SIK2: variants seen among roughly 807,000 people sequenced by gnomAD.
SIK2 encodes the protein salt inducible kinase 2.
In SIK2, 29 loss-of-function variants were observed where a neutral mutation model predicts 103.2. The ratio of observed to expected loss-of-function variants is 0.28; its 90% CI spans 0.21 to 0.38. The LOEUF is 0.38. SIK2 is among the 10% of genes least tolerant of loss of function. The pLI, the probability that SIK2 is intolerant of heterozygous loss-of-function variation, is 1.00. For synonymous variants in SIK2, 412 were observed against 446.1 expected (o/e 0.92, Z 0.96); for missense variants, 879 against 1,171.0 (o/e 0.75, Z 3.64).
rs753790017 is a variant in SIK2, at chr11:111,719,957, CACTCTGTCAGAAGTG to C, written c.1452_1466del (p.Leu485_Thr489del). 1 of 1,614,140 alleles carries C rather than the reference CACTCTGTCAGAAGTG, an allele frequency of 6.2e-7. No individual in the cohort carries two copies. Among genetic ancestry groups the C allele is most frequent in the Non-Finnish European group, 8.5e-7 (1 of 1,179,992 alleles). ...CCACACGCAGCGGGCAGAGACGGCA[CACTCTGTCAGAAGTG>C]ACCAATCAACTGGTCGTGATGCCTG... On this transcript the variant is annotated inframe_deletion, in exon 10 of 15. Transcript: ENST00000304987.
In SIK2 at chr11:111,712,239, T is replaced by C. The variant is rs377475366; in HGVS notation, c.1130T>C (p.Met377Thr). The C allele has an allele frequency of 3.4e-5, 55 of 1,614,234 alleles. No homozygotes were observed. The highest frequency in any genetic ancestry group is 2.1e-4 in the South Asian group (19 of 91,084). Residue 377 changes from methionine (M) to threonine (T), a missense_variant, in exon 9 of 15, where the codon ATG becomes ACG. Physicochemically the swap from Met to Thr is moderately conservative, Grantham distance 81. Coordinates refer to ENST00000304987, the MANE Select transcript of SIK2 (RefSeq NM_015191.3). The part of the protein sequence containing the change: ...KAQTVGLPVT[M>T]HSPNMRLLRS... The stretch of plus-strand genomic sequence containing the variant: ...CAGACTGTGGGGCTCCCAGTGACCA[T>C]GCATTCACCGAACATGAGGCTGCTG...
Position 111,727,056 on chromosome 11 carries a change from C to G in SIK2, c.*2927C>G, listed in dbSNP as rs1943993874. 1 of 1,613,516 alleles carries G rather than the reference C, an allele frequency of 6.2e-7. No individual in the cohort carries two copies. The highest frequency in any genetic ancestry group is 1.1e-5 in the South Asian group (1 of 91,048). Reference sequence around the variant, plus strand: ...ATCTCCACGCAACTGATACACTGGTCCCTGTAAGGCAAACAGCATGTTAGC... The same window carrying G: ...ATCTCCACGCAACTGATACACTGGTGCCTGTAAGGCAAACAGCATGTTAGC... On this transcript the variant is annotated 3_prime_UTR_variant, in exon 15 of 15. Transcript: ENST00000304987.
chr11:111,641,373 A>G (rs1942181207), intron 3 of SIK2, among the ~76,000 whole-genome samples: 1 of 152,086 alleles, frequency 6.6e-6, no homozygotes, highest in Non-Finnish European at 1.5e-5. Flanking sequence ...TCTCCTCCTA[A>G]ATAAGCTCTT....
chr11:111,663,022 C>T (rs1942487851), intron 3 of SIK2, among the ~76,000 whole-genome samples: 1 of 151,736 alleles, frequency 6.6e-6, no homozygotes, highest in Admixed American at 6.6e-5. Context: ...TTCTTGAGCC[C>T]AGGAGTTCAA....
At chr11:111,618,700 A>G (rs1331939312) in intron 2 of SIK2, among the ~76,000 whole-genome samples, 4 of 152,206 alleles carry the variant, frequency 2.6e-5, no homozygotes. Flanking sequence ...TAATTAATTC[A>G]GATTACTTCT....
At position 111,730,556 on chromosome 11, in the gene SIK2, ATAAAGT is replaced by A. The variant is rs1305802874; in HGVS notation, c.*6431_*6436del. On this transcript the variant is annotated 3_prime_UTR_variant, in exon 15 of 15. Transcript: ENST00000304987. Reference sequence around the variant, plus strand: ...GTTTGGTCTGAAAGAGTTACTTTTGATAAAGTTAATCTAACTGTAGTTATATTTTCT... The same window carrying A: ...GTTTGGTCTGAAAGAGTTACTTTTGATAATCTAACTGTAGTTATATTTTCT... The A allele has an allele frequency of 2.0e-5, 3 of 152,156 alleles. No homozygotes were observed. Among genetic ancestry groups the A allele is most frequent in the Non-Finnish European group, 4.4e-5 (3 of 68,032 alleles). 9.4% of individuals were successfully genotyped at this position (152,156 alleles called of 1,614,324 possible). A position where few individuals can be genotyped will look rare whatever the true frequency, so the allele number is the denominator to read the frequency against.
intron 6 of SIK2, among the ~76,000 whole-genome samples, chr11:111,702,739 A>G (rs1428183768): frequency 6.6e-6 from 1 of 152,230 alleles, no homozygotes; most frequent in Non-Finnish European, 1.5e-5. Context: ...AGTCAGAAGT[A>G]AGTAATATTT....
chr11:111,638,321 C>A (rs1942137037), intron 3 of SIK2, among the ~76,000 whole-genome samples: 1 of 152,156 alleles, frequency 6.6e-6, no homozygotes, highest in Non-Finnish European at 1.5e-5. Flanking sequence ...TAGATTTCTA[C>A]TGGGGTAGAA....
chr11:111,692,971 T>C lies in SIK2; in HGVS notation c.478+4809T>C, dbSNP rs1203470489. On this transcript the variant is annotated intron_variant, in intron 4 of 14. Coordinates refer to ENST00000304987, the MANE Select transcript of SIK2 (RefSeq NM_015191.3). ...AATGGAATAGAAGTATCAAACATGG[T>C]TCATTTTAATAAATAACAGAAACAT... 2.0e-5 allele frequency among the ~76,000 whole-genome samples: 3 copies of C among 152,170 alleles called. No homozygotes were observed. In the South Asian group the frequency reaches 6.2e-4, roughly 32 times the overall value.
At chr11:111,653,766 G>A (rs1942357178) in intron 3 of SIK2, among the ~76,000 whole-genome samples, 1 of 152,248 alleles carries the variant, frequency 6.6e-6, no homozygotes, top group African/African-American at 2.4e-5. Context: ...GCACCAAAAT[G>A]TTCCACCCAT....
intron 9 of SIK2, among the ~76,000 whole-genome samples, chr11:111,716,878 A>G (rs953291974): frequency 6.6e-6 from 1 of 152,188 alleles, no homozygotes; most frequent in Admixed American, 6.5e-5. Context: ...TTTGCAATCT[A>G]TCCATCTGAC....
rs1331941113 is a variant in SIK2, at chr11:111,730,350, G to A, written c.*6221G>A. 1 of 152,192 alleles carries A rather than the reference G, an allele frequency of 6.6e-6. No individual in the cohort carries two copies. Among genetic ancestry groups the A allele is most frequent in the Non-Finnish European group, 1.5e-5 (1 of 68,042 alleles). The allele number at this position is 152,192 out of a possible 1,614,324, so 9.4% of individuals were successfully genotyped here. A position where few individuals can be genotyped will look rare whatever the true frequency, so the allele number is the denominator to read the frequency against. On this transcript the variant is annotated 3_prime_UTR_variant, in exon 15 of 15. Transcript: ENST00000304987. ...CAAGTGGTGAGACCTTTCCACCATG[G>A]GTGGTAAGAGAAACCTGCCTTCACC...
At chr11:111,658,580 A>G (rs1469847183) in intron 3 of SIK2, among the ~76,000 whole-genome samples, 1 of 152,074 alleles carries the variant, frequency 6.6e-6, no homozygotes, top group Non-Finnish European at 1.5e-5. Context: ...CCATCTCTAC[A>G]AAAAACACAA....
At chr11:111,626,895 T>C (rs1442360512) in intron 3 of SIK2, among the ~76,000 whole-genome samples, 2 of 152,152 alleles carry the variant, frequency 1.3e-5, no homozygotes, top group Non-Finnish European at 2.9e-5. Context: ...CAGAGCTGTT[T>C]TAATGTTACA....
intron 1 of SIK2, 48 bp from the exon 2 acceptor site, chr11:111,616,195 T>G: frequency 7.9e-7 from 1 of 1,270,606 alleles, no homozygotes; most frequent in South Asian, 1.2e-5. Context: ...AACTAGAAAA[T>G]GTTAACTATT....
At chr11:111,719,635 T>C in intron 9 of SIK2, 140 bp from the exon 10 acceptor site, 1 of 830,206 alleles carries the variant, frequency 1.2e-6, no homozygotes, top group Non-Finnish European at 1.9e-6. Flanking sequence ...ATCTATGTGT[T>C]GTCATGCATA....
intron 3 of SIK2, among the ~76,000 whole-genome samples, chr11:111,639,242 T>C (rs1221028986): frequency 6.6e-6 from 1 of 152,148 alleles, no homozygotes; most frequent in Non-Finnish European, 1.5e-5. Flanking sequence ...TCTTAGTATC[T>C]AGCAAAGACT....
chr11:111,616,021 TCTTCATAG>T (rs780925740), intron 1 of SIK2, among the ~76,000 whole-genome samples: 2 of 152,208 alleles, frequency 1.3e-5, no homozygotes, highest in Non-Finnish European at 2.9e-5. Context: ...TTCAAATTAT[TCTTCATAG>T]CACACTAAAG....
Position 111,724,218 on chromosome 11 carries a change from C to T in SIK2, c.*89C>T, listed in dbSNP as rs1425245161. ...GCCTTTTAAATTTAAAGCTTATTTT[C>T]TTGCCCTCTCCCTAACGGGGAGAAA... is the stretch of plus-strand genomic sequence containing the variant. On this transcript the variant is annotated 3_prime_UTR_variant, in exon 15 of 15. Transcript: ENST00000304987. 8 of 1,495,496 alleles carry T rather than the reference C, an allele frequency of 5.3e-6. No homozygotes were observed. Among genetic ancestry groups the T allele is most frequent in the African/African-American group, 2.8e-5 (2 of 72,256 alleles). The allele number at this position is 1,495,496 out of a possible 1,614,324, so 92.6% of individuals were successfully genotyped here.
Sources: gnomAD v4.1 joint callset for allele counts (sites outside exome capture counted in the v4.1 genomes callset) on GRCh38, gnomAD v4.1.1 for gene constraint, MANE v1.5 for transcripts, NCBI Gene and HGNC (gene_info 2026-07-23, HGNC 2026-07-21) for gene names.